Variants in CNTNAP5 observed in about 807,000 individuals in gnomAD.
CNTNAP5 encodes the protein contactin associated protein family member 5, also known as contactin-associated protein-like 5.
CNTNAP5 carries 72 observed loss-of-function variants against 150.2 expected under a neutral mutation model. The ratio of observed to expected loss-of-function variants is 0.48; its 90% CI spans 0.40 to 0.58. CNTNAP5 has a LOEUF of 0.58. CNTNAP5 is among the 20% of genes least tolerant of loss of function. CNTNAP5 has a pLI of 0.00. For synonymous variants in CNTNAP5, 672 were observed against 619.8 expected, an observed-to-expected ratio of 1.08 and a Z score of -1.25; for missense variants, 1,636 against 1,626.2, an observed-to-expected ratio of 1.01 and a Z score of -0.10.
intron 2 of CNTNAP5, among the ~76,000 whole-genome samples, chr2:124,239,372 G>T (rs1686829205): frequency 1.3e-5 from 2 of 152,124 alleles, no homozygotes; most frequent in African/African-American, 4.8e-5. Context: ...AAGTCTAGTT[G>T]TGAACTATTG....
intron 1 of CNTNAP5, among the ~76,000 whole-genome samples, chr2:124,148,545 T>C (rs1231649949): frequency 6.8e-6 from 1 of 146,514 alleles, no homozygotes; most frequent in Admixed American, 6.9e-5. Flanking sequence ...ATATACATAT[T>C]ATATATAATA....
intron 11 of CNTNAP5, among the ~76,000 whole-genome samples, chr2:124,572,718 C>T (rs923348151): frequency 5.3e-5 from 8 of 152,190 alleles, no homozygotes; most frequent in Admixed American, 2.0e-4. Context: ...CATGTCATCT[C>T]ACATTCTCAG....
chr2:124,440,329 C>A (rs1325249041), intron 5 of CNTNAP5, among the ~76,000 whole-genome samples: 3 of 152,090 alleles, frequency 2.0e-5, no homozygotes, highest in Non-Finnish European at 4.4e-5. Flanking sequence ...GTAAATCAAA[C>A]CCTTTTCAAG....
chr2:124,617,570 C>G (rs533269039), intron 12 of CNTNAP5, among the ~76,000 whole-genome samples: 39 of 152,160 alleles, frequency 2.6e-4, no homozygotes, highest in Admixed American at 2.3e-3. Context: ...ACAAGGATAC[C>G]CTTCATACTG....
At chr2:124,429,262 A>T (rs111825932) in intron 4 of CNTNAP5, among the ~76,000 whole-genome samples, 3 of 152,220 alleles carry the variant, frequency 2.0e-5, no homozygotes, top group African/African-American at 7.2e-5. Context: ...TTCATGTGCT[A>T]TCATGCATAG....
intron 19 of CNTNAP5, among the ~76,000 whole-genome samples, chr2:124,838,674 G>A (rs988399622): frequency 2.6e-5 from 4 of 152,022 alleles, no homozygotes; most frequent in African/African-American, 4.8e-5. Context: ...CTCCATTTCC[G>A]CTCTTCACTT....
intron 19 of CNTNAP5, among the ~76,000 whole-genome samples, chr2:124,820,349 G>A (rs1346150848): frequency 4.6e-5 from 7 of 151,890 alleles, no homozygotes; most frequent in African/African-American, 1.7e-4. Flanking sequence ...AGAGAATGAT[G>A]GTTTTCCACT....
intron 13 of CNTNAP5, among the ~76,000 whole-genome samples, chr2:124,705,074 T>C (rs1465459873): frequency 1.3e-5 from 2 of 152,158 alleles, no homozygotes; most frequent in African/African-American, 4.8e-5. Flanking sequence ...TTTATAATCA[T>C]ATTATGCAAC....
chr2:124,655,074 C>T (rs1026069462), intron 13 of CNTNAP5, among the ~76,000 whole-genome samples: 14 of 151,930 alleles, frequency 9.2e-5, no homozygotes, highest in Non-Finnish European at 1.9e-4. Context: ...TTTTCTGCAC[C>T]TATCAACCCG....
intron 13 of CNTNAP5, among the ~76,000 whole-genome samples, chr2:124,679,346 T>C (rs534273576): frequency 4.6e-5 from 7 of 151,856 alleles, no homozygotes; most frequent in Admixed American, 6.7e-5. Context: ...CTCATTTTCA[T>C]TGCATTGAAA....
At chr2:124,358,617 C>T (rs1251475412) in intron 3 of CNTNAP5, among the ~76,000 whole-genome samples, 2 of 152,174 alleles carry the variant, frequency 1.3e-5, no homozygotes, top group Admixed American at 6.5e-5. Flanking sequence ...TACTGATTTG[C>T]ATATATTGAA....
intron 10 of CNTNAP5, among the ~76,000 whole-genome samples, chr2:124,539,061 G>A (rs1203811558): frequency 2.6e-5 from 4 of 152,164 alleles, no homozygotes; most frequent in South Asian, 4.1e-4. Flanking sequence ...TGGTCCAAAA[G>A]CATTCATCGA....
rs142926242 is a variant in CNTNAP5 at position 124,364,434 on chromosome 2, T to C, written c.382-53009T>C. Among the ~76,000 whole-genome samples, 341 of 152,284 alleles carry C rather than the reference T, an allele frequency of 2.2e-3. 2 individuals are homozygous for C. Among genetic ancestry groups the C allele is most frequent in the African/African-American group, 7.0e-3 (291 of 41,568 alleles). ...CCTAACCCTGCTCACCTTTTTATTT[T>C]TTCCACATCACCCAAACCCTTCTAT... On this transcript the variant is annotated intron_variant, in intron 3 of 23. Coordinates refer to ENST00000682447, the MANE Select transcript of CNTNAP5 (RefSeq NM_001367498.1).
At chr2:124,692,139 T>C (rs1679312359) in intron 13 of CNTNAP5, among the ~76,000 whole-genome samples, 1 of 152,082 alleles carries the variant, frequency 6.6e-6, no homozygotes, top group African/African-American at 2.4e-5. Context: ...GACACATGAG[T>C]GAAGCCCTTT....
At chr2:124,243,214 G>A (rs546287547) in intron 3 of CNTNAP5, among the ~76,000 whole-genome samples, 1 of 152,292 alleles carries the variant, frequency 6.6e-6, no homozygotes, top group South Asian at 2.1e-4. Context: ...GAGAAAATAA[G>A]TCACCATTTT....
chr2:124,123,988 C>A (rs2104719541), intron 1 of CNTNAP5, among the ~76,000 whole-genome samples: 1 of 152,244 alleles, frequency 6.6e-6, no homozygotes, highest in African/African-American at 2.4e-5. Context: ...TACTAAAAAT[C>A]AGAGCACCTC....
At chr2:124,134,786 C>T (rs1320054346) in intron 1 of CNTNAP5, among the ~76,000 whole-genome samples, 1 of 152,158 alleles carries the variant, frequency 6.6e-6, no homozygotes, top group Non-Finnish European at 1.5e-5. Flanking sequence ...CTGACCTGTC[C>T]ATTCCCCAAG....
At chr2:124,225,306 CAG>C in intron 2 of CNTNAP5, among the ~76,000 whole-genome samples, 1 of 152,252 alleles carries the variant, frequency 6.6e-6, no homozygotes, top group South Asian at 2.1e-4. Flanking sequence ...ATAGGTGACA[CAG>C]AGAGGAAAGC....
intron 1 of CNTNAP5, among the ~76,000 whole-genome samples, chr2:124,037,785 C>T (rs765685270): frequency 6.6e-6 from 1 of 152,094 alleles, no homozygotes; most frequent in Admixed American, 6.5e-5. Flanking sequence ...CTATACTTAA[C>T]AATAATGTAT....
Sources: gnomAD v4.1 joint callset for allele counts (sites outside exome capture counted in the v4.1 genomes callset) on GRCh38, gnomAD v4.1.1 for gene constraint, MANE v1.5 for transcripts, NCBI Gene and HGNC (gene_info 2026-07-23, HGNC 2026-07-21) for gene names.